The following ORC5 variants were observed in gnomAD, a reference collection of about 807,000 sequenced individuals.
ORC5 encodes the protein protein phosphatase 1, regulatory subunit 117.
In ORC5, 39 loss-of-function variants were observed where a neutral mutation model predicts 58.8. That is an observed-to-expected ratio of 0.66 (90% confidence interval 0.51 to 0.87). The LOEUF (loss-of-function observed/expected upper bound fraction) is 0.87, where lower values mean the gene tolerates loss of function less well. Ranked by LOEUF, ORC5 falls within the 40% of genes least tolerant of loss-of-function variation. ORC5 has a pLI of 0.00. For missense variants in ORC5, 493 were observed against 506.3 expected (o/e 0.97, Z 0.25); for synonymous variants, 218 against 177.6 (o/e 1.23, Z -1.81).
rs1562799453 is a variant in ORC5 at position 104,126,753 on chromosome 7, C to A, written c.*95G>T. ...ACCTGTTTGGACAAATCCAATAGAG[C>A]CAAAGAACTCCTCTCCTTGGCCAGC... On this transcript the variant is annotated 3_prime_UTR_variant, in exon 14 of 14. Coordinates refer to ENST00000297431, the MANE Select transcript of ORC5 (RefSeq NM_002553.4). 1.2e-6 allele frequency: 1 copy of A among 842,700 alleles called. No individual in the cohort carries two copies. Among genetic ancestry groups the A allele is most frequent in the East Asian group, 2.7e-5 (1 of 37,472 alleles). The allele number at this position is 842,700 out of a possible 1,614,324, so 52.2% of individuals were successfully genotyped here.
intron 5 of ORC5, among the ~76,000 whole-genome samples, chr7:104,190,438 T>C (rs1372651721): frequency 6.6e-6 from 1 of 152,144 alleles, no homozygotes; most frequent in Non-Finnish European, 1.5e-5. Flanking sequence ...CCCCCTTGTA[T>C]AAAACGTATT....
intron 6 of ORC5, among the ~76,000 whole-genome samples, chr7:104,186,058 C>G (rs1799536594): frequency 6.6e-6 from 1 of 152,032 alleles, no homozygotes; most frequent in Non-Finnish European, 1.5e-5. Context: ...ACTTTCTTAC[C>G]TTAATTTTAG....
At position 104,165,235 on chromosome 7, in the gene ORC5, C is replaced by T; in HGVS notation, c.1038G>A (p.Lys346=). The change falls in exon 11 of 14, where the codon AAG becomes AAA. Residue 346 remains lysine (K), a splice_region_variant and synonymous_variant. Transcript: ENST00000297431. ...KKTNFLKKHE[K]TSNHLLGPKP... ...CCATTAGAAATTAAAATGTAAATACCTTTTCGTGTTTTTTTAGAAAGTTGG... is the reference window on the plus strand; with the variant it reads ...CCATTAGAAATTAAAATGTAAATACTTTTTCGTGTTTTTTTAGAAAGTTGG... 1 of 1,462,254 alleles carries T rather than the reference C, an allele frequency of 6.8e-7. No individual in the cohort carries two copies. The highest frequency in any genetic ancestry group is 9.4e-7 in the Non-Finnish European group (1 of 1,060,008). 90.6% of individuals were successfully genotyped at this position (1,462,254 alleles called of 1,614,324 possible).
chr7:104,157,691 C>A (rs1384375819), intron 12 of ORC5, among the ~76,000 whole-genome samples: 2 of 151,878 alleles, frequency 1.3e-5, no homozygotes, highest in African/African-American at 4.8e-5. Flanking sequence ...ATATATTTTC[C>A]CCAGAGGATA....
chr7:104,143,056 T>C (rs3808017), intron 12 of ORC5, among the ~76,000 whole-genome samples: 19,506 of 152,244 alleles, frequency 0.13, 1,572 homozygotes, highest in East Asian at 0.19. Flanking sequence ...CAACCCTTTC[T>C]ATTTTTCTGT....
chr7:104,207,665 G>A (rs899224139), intron 1 of ORC5, among the ~76,000 whole-genome samples, 168 bp downstream of exon 1: 3 of 152,140 alleles, frequency 2.0e-5, no homozygotes, highest in African/African-American at 4.8e-5. Flanking sequence ...TTCAATATTC[G>A]GAAGAGACTG....
At position 104,200,961 on chromosome 7, in the gene ORC5, G is replaced by A. The variant is rs781358742; in HGVS notation, c.166-3C>T. On this transcript the variant is annotated splice_polypyrimidine_tract_variant and splice_region_variant and intron_variant, in intron 2 of 13. Coordinates refer to ENST00000297431, the MANE Select transcript of ORC5 (RefSeq NM_002553.4). ...CAATTCACAAACACATGTGGGAGCTGAAAACGAAAACCAAAACACTGTAAG... is the reference window on the plus strand; with the variant it reads ...CAATTCACAAACACATGTGGGAGCTAAAAACGAAAACCAAAACACTGTAAG... 6.2e-7 allele frequency: 1 copy of A among 1,609,612 alleles called. No homozygotes were observed. Among genetic ancestry groups the A allele is most frequent in the Non-Finnish European group, 8.5e-7 (1 of 1,177,278 alleles).
Position 104,129,573 on chromosome 7 carries a change from A to T in ORC5, c.1263-2680T>A, listed in dbSNP as rs1255002197. On this transcript the variant is annotated intron_variant, in intron 13 of 13. Coordinates refer to ENST00000297431, the MANE Select transcript of ORC5 (RefSeq NM_002553.4). The surrounding 1 kb of genome is among the most constrained non-coding windows in gnomAD (Gnocchi z 4.9). ...TTGTTAGAATAATCACAGGGGCAAC[A>T]TAAAAAACTATGCCACACATCCGAA... Among the ~76,000 whole-genome samples, 2 of 152,222 alleles carry T rather than the reference A, an allele frequency of 1.3e-5. No homozygotes were observed. Among genetic ancestry groups the T allele is most frequent in the African/African-American group, 4.8e-5 (2 of 41,468 alleles).
At chr7:104,197,838 T>G in intron 3 of ORC5, 39 bp from the exon 4 acceptor site, 3 of 1,256,410 alleles carry the variant, frequency 2.4e-6, no homozygotes, top group Non-Finnish European at 3.4e-6. Flanking sequence ...AGAAATGCAT[T>G]TACAAAGCCT....
chr7:104,196,088 G>A (rs550962059), intron 4 of ORC5, among the ~76,000 whole-genome samples: 1 of 152,304 alleles, frequency 6.6e-6, no homozygotes, highest in Non-Finnish European at 1.5e-5. Flanking sequence ...CAGTTCAGCT[G>A]AGATTACTCT....
chr7:104,195,897 A>G (rs928610828), intron 4 of ORC5, among the ~76,000 whole-genome samples: 7 of 152,220 alleles, frequency 4.6e-5, no homozygotes, highest in African/African-American at 7.2e-5. Context: ...TAATGTTCTC[A>G]TCTATTCATC....
chr7:104,149,138 A>G (rs192964227), intron 12 of ORC5, among the ~76,000 whole-genome samples: 2 of 152,294 alleles, frequency 1.3e-5, no homozygotes, highest in East Asian at 3.9e-4. Context: ...GCAGTTTCTT[A>G]CACATTTGTG....
At chr7:104,140,828 T>C (rs1312329104) in intron 12 of ORC5, among the ~76,000 whole-genome samples, 1 of 152,240 alleles carries the variant, frequency 6.6e-6, no homozygotes, top group South Asian at 2.1e-4. Context: ...TTAAGGTATC[T>C]ACATAATATC....
In ORC5 at chr7:104,166,792, C is replaced by G. The variant is rs1799114236; in HGVS notation, c.970G>C (p.Asp324His). 1 of 1,595,082 alleles carries G rather than the reference C, an allele frequency of 6.3e-7. No homozygotes were observed. The highest frequency in any genetic ancestry group is 8.6e-7 in the Non-Finnish European group (1 of 1,165,760). The change falls in exon 10 of 14, where the codon GAC (aspartate) becomes CAC (histidine). Residue 324 changes from aspartate (D) to histidine (H), a missense_variant. Physicochemically the swap from Asp to His is moderately conservative, Grantham distance 81 (BLOSUM62 -1). Transcript: ENST00000297431. ...YLASYNPART[D>H]KRFFLKHHGK... ...ATTACCTTAAGAAAAAACCTCTTGT[C>G]AGTTCTTGCTGGATTGTATGAAGCA...
chr7:104,186,902 TAAATA>T (rs1799556062), intron 6 of ORC5, among the ~76,000 whole-genome samples: 2 of 152,212 alleles, frequency 1.3e-5, no homozygotes, highest in South Asian at 4.1e-4. Flanking sequence ...AACCTCACCC[TAAATA>T]AAATCATTCC....
intron 12 of ORC5, among the ~76,000 whole-genome samples, chr7:104,140,697 T>C (rs910668083): frequency 1.3e-4 from 20 of 152,176 alleles, no homozygotes; most frequent in African/African-American, 4.6e-4. Flanking sequence ...GGCCCCTTCT[T>C]GCTTTATTCC....
chr7:104,178,208 T>A (rs574010226), intron 8 of ORC5, among the ~76,000 whole-genome samples: 107 of 152,338 alleles, frequency 7.0e-4, no homozygotes, highest in African/African-American at 2.4e-3. Flanking sequence ...GCATTCCTAT[T>A]TCTCCACAGC....
chr7:104,200,575 T>C (rs1270513395), intron 3 of ORC5, among the ~76,000 whole-genome samples, 183 bp downstream of exon 3: 2 of 152,232 alleles, frequency 1.3e-5, no homozygotes, highest in Non-Finnish European at 2.9e-5. Flanking sequence ...GTATGTGTCA[T>C]ACCTTTTCTA....
At chr7:104,207,150 T>C (rs566503700) in intron 1 of ORC5, among the ~76,000 whole-genome samples, 1 of 152,224 alleles carries the variant, frequency 6.6e-6, no homozygotes, top group Non-Finnish European at 1.5e-5. Flanking sequence ...TGATTGAGTC[T>C]GAATCAAAAA....
Sources: gnomAD v4.1 joint callset for allele counts (sites outside exome capture counted in the v4.1 genomes callset) on GRCh38, gnomAD v4.1.1 for gene constraint, Gnocchi (gnomAD v3.1) non-coding constraint, MANE v1.5 for transcripts, NCBI Gene and HGNC (gene_info 2026-07-23, HGNC 2026-07-21) for gene names.